The following VWA8 variants were observed in gnomAD, a reference collection of about 807,000 sequenced individuals.
The protein encoded by VWA8 is von Willebrand factor A domain-containing protein 8.
In VWA8, 221 loss-of-function variants were observed where a neutral mutation model predicts 241.5. That is an observed-to-expected ratio of 0.91 (90% CI 0.82 to 1.02). The LOEUF (loss-of-function observed/expected upper bound fraction) is 1.02. Among genes scored for constraint, VWA8 ranks in the 50% least tolerant of loss-of-function variants. The pLI is 0.00. For synonymous variants in VWA8, 852 were observed against 827.1 expected, an observed-to-expected ratio of 1.03 and a Z score of -0.52; for missense variants, 2,322 against 2,328.7, an observed-to-expected ratio of 1.00 and a Z score of 0.06.
chr13:41,708,405 T>A (rs2137834641), intron 26 of VWA8, among the ~76,000 whole-genome samples: 1 of 152,206 alleles, frequency 6.6e-6, no homozygotes, highest in East Asian at 1.9e-4. Context: ...AGCCAGCACA[T>A]TAAAGAGAGA....
chr13:41,567,359 A>G lies in VWA8; in HGVS notation c.*838T>C, dbSNP rs2044268108. Reference sequence around the variant, plus strand: ...GGTAATTTTTATATGAATATTCTCAATAAATAATTTTCGTGTAAGCATTTA... The same window carrying G: ...GGTAATTTTTATATGAATATTCTCAGTAAATAATTTTCGTGTAAGCATTTA... On this transcript the variant is annotated 3_prime_UTR_variant, in exon 45 of 45. Coordinates refer to ENST00000379310, the MANE Select transcript of VWA8 (RefSeq NM_015058.2). 6.6e-6 allele frequency: 1 copy of G among 152,260 alleles called. No individual in the cohort carries two copies. The highest frequency in any genetic ancestry group is 1.5e-5 in the Non-Finnish European group (1 of 68,048). The allele number at this position is 152,260 out of a possible 1,614,324, so 9.4% of individuals were successfully genotyped here.
intron 21 of VWA8, among the ~76,000 whole-genome samples, chr13:41,753,046 G>C (rs990233855): frequency 3.1e-4 from 47 of 152,128 alleles, no homozygotes; most frequent in Non-Finnish European, 1.0e-4. Flanking sequence ...GGGGGAGAAA[G>C]GAGCTACATT....
At chr13:41,894,150 T>A (rs1874987784) in intron 4 of VWA8, among the ~76,000 whole-genome samples, 1 of 152,210 alleles carries the variant, frequency 6.6e-6, no homozygotes, top group Non-Finnish European at 1.5e-5. Flanking sequence ...GATCAAAATG[T>A]AATGGTTCAC....
At chr13:41,611,266 C>T (rs1466049330) in intron 39 of VWA8, among the ~76,000 whole-genome samples, 1 of 152,160 alleles carries the variant, frequency 6.6e-6, no homozygotes, top group Admixed American at 6.5e-5. Flanking sequence ...CACTAATCTG[C>T]AAGATTTCTG....
At chr13:41,576,760 T>C (rs2044353307) in intron 42 of VWA8, among the ~76,000 whole-genome samples, 1 of 152,228 alleles carries the variant, frequency 6.6e-6, no homozygotes. Flanking sequence ...AAAATATACG[T>C]TATAATAACC....
chr13:41,824,784 C>T (rs374979084), intron 14 of VWA8, among the ~76,000 whole-genome samples: 80 of 150,920 alleles, frequency 5.3e-4, no homozygotes, highest in Admixed American at 8.6e-4. Flanking sequence ...CACTACTGCA[C>T]CTCAGCCTGG....
intron 17 of VWA8, among the ~76,000 whole-genome samples, chr13:41,800,020 T>A (rs1869877183): frequency 6.6e-6 from 1 of 152,232 alleles, no homozygotes. Flanking sequence ...GGATATTTCA[T>A]GTAAATAGAG....
intron 21 of VWA8, among the ~76,000 whole-genome samples, chr13:41,747,908 T>G (rs1352006985): frequency 6.6e-6 from 1 of 152,246 alleles, no homozygotes; most frequent in Non-Finnish European, 1.5e-5. Flanking sequence ...GTTTATTGAT[T>G]TGTGTATGTT....
At chr13:41,936,117 T>G (rs1244825878) in intron 2 of VWA8, among the ~76,000 whole-genome samples, 1 of 152,160 alleles carries the variant, frequency 6.6e-6, no homozygotes, top group Non-Finnish European at 1.5e-5. Flanking sequence ...CAATATTACT[T>G]TCTAAAGAAG....
intron 14 of VWA8, among the ~76,000 whole-genome samples, chr13:41,825,994 G>C (rs1269406041): frequency 6.6e-6 from 1 of 152,166 alleles, no homozygotes; most frequent in Non-Finnish European, 1.5e-5. Context: ...CAAGCTGTCA[G>C]TCTTCTACTC....
chr13:41,733,663 G>GC (rs1313346586), intron 21 of VWA8, among the ~76,000 whole-genome samples: 1 of 152,002 alleles, frequency 6.6e-6, no homozygotes, highest in Non-Finnish European at 1.5e-5. Flanking sequence ...CAGCTTAGGT[G>GC]CCCCTGCTAT....
At chr13:41,888,615 C>T (rs942777318) in intron 5 of VWA8, among the ~76,000 whole-genome samples, 2 of 152,306 alleles carry the variant, frequency 1.3e-5, no homozygotes, top group East Asian at 3.9e-4. Flanking sequence ...TTCATATCTT[C>T]ATAAAACTCA....
In VWA8 at chr13:41,651,884, C is replaced by CCA. The variant is rs1392484172; in HGVS notation, c.4611+19060_4611+19061dup. On this transcript the variant is annotated intron_variant, in intron 37 of 44. Coordinates refer to ENST00000379310, the MANE Select transcript of VWA8 (RefSeq NM_015058.2). The stretch of plus-strand genomic sequence containing the variant: ...TGGGGCTTCATTTCTCAATCCTGCT[C>CCA]CACCCTGGTGTGAGAAAAGAGATAT... Among the ~76,000 whole-genome samples, 8 of 152,278 alleles carry CCA rather than the reference C, an allele frequency of 5.3e-5. No homozygotes were observed. In the South Asian group the frequency reaches 6.2e-4, roughly 12 times the overall value.
intron 19 of VWA8, among the ~76,000 whole-genome samples, chr13:41,780,086 T>C (rs932453609): frequency 3.3e-5 from 5 of 152,194 alleles, no homozygotes; most frequent in African/African-American, 1.2e-4. Flanking sequence ...CCTTCTACCT[T>C]CTTACATGCT....
chr13:41,940,167 C>T (rs1877529132), intron 2 of VWA8, among the ~76,000 whole-genome samples: 1 of 152,166 alleles, frequency 6.6e-6, no homozygotes, highest in Admixed American at 6.5e-5. Flanking sequence ...GTCCTACTTT[C>T]CTGGCTATGA....
chr13:41,948,431 G>A (rs1423989143), intron 2 of VWA8, among the ~76,000 whole-genome samples: 2 of 152,128 alleles, frequency 1.3e-5, no homozygotes, highest in African/African-American at 2.4e-5. Context: ...TGATGAAAAC[G>A]TTAGATAACA....
At chr13:41,712,748 C>T (rs1307402625) in intron 26 of VWA8, among the ~76,000 whole-genome samples, 2 of 152,046 alleles carry the variant, frequency 1.3e-5, no homozygotes, top group Non-Finnish European at 2.9e-5. Flanking sequence ...CTTGAATTTC[C>T]GTTTTTTAAT....
Position 41,819,256 on chromosome 13 carries a change from G to A in VWA8, c.1831C>T (p.Leu611Phe), listed in dbSNP as rs772993272. ...TMFFFHYMKP[L>F]VKSEEIQVIK... ...ACTTGGATTTCTTCACTTTTCACAA[G>A]TGGTTTCATGTAATGGAAAAAGAAC... Residue 611 changes from leucine to phenylalanine, a missense_variant, in exon 15 of 45, where the codon CTT (leucine) becomes TTT (phenylalanine). Physicochemically the swap from Leu to Phe is conservative, Grantham distance 22. Coordinates refer to ENST00000379310, the MANE Select transcript of VWA8 (RefSeq NM_015058.2). The A allele has an allele frequency of 3.1e-6, 5 of 1,610,462 alleles. No individual in the cohort carries two copies. The Admixed American group carries it at 8.5e-5, about 27-fold the overall frequency.
chr13:41,869,079 T>A (rs1421449188), intron 9 of VWA8, among the ~76,000 whole-genome samples: 3 of 152,160 alleles, frequency 2.0e-5, no homozygotes, highest in Non-Finnish European at 4.4e-5. Context: ...GTTCATAGTT[T>A]ACATTTCTTG....
Sources: allele counts gnomAD v4.1 joint callset (sites outside exome capture counted in the v4.1 genomes callset), GRCh38; gene constraint gnomAD v4.1.1; transcripts MANE v1.5; gene names NCBI Gene and HGNC (gene_info 2026-07-23, HGNC 2026-07-21).